GRID2: variants seen among roughly 807,000 people sequenced by gnomAD.
The protein encoded by GRID2 is glutamate receptor ionotropic, delta-2.
GRID2 carries 33 observed loss-of-function variants against 114.8 expected under a neutral mutation model. That is an observed-to-expected ratio of 0.29 (90% CI 0.22 to 0.38). The LOEUF is 0.38. Among genes scored for constraint, GRID2 ranks in the 10% least tolerant of loss-of-function variants. The pLI is 1.00. For synonymous variants in GRID2, 505 were observed against 449.9 expected (o/e 1.12, Z -1.55); for missense variants, 1,184 against 1,257.7 (o/e 0.94, Z 0.89).
At chr4:93,786,602 T>C (rs141495606) in intron 1 of GRID2, among the ~76,000 whole-genome samples, 126 of 152,330 alleles carry the variant, frequency 8.3e-4, no homozygotes, top group African/African-American at 2.9e-3. Flanking sequence ...TTCAATTGCC[T>C]GATGTTTAGT....
intron 1 of GRID2, among the ~76,000 whole-genome samples, chr4:92,568,971 T>C (rs994004114): frequency 6.6e-6 from 1 of 151,990 alleles, no homozygotes; most frequent in Non-Finnish European, 1.5e-5. Flanking sequence ...TTTTTTTAAA[T>C]TCCCAACTTT....
chr4:93,807,884 G>A (rs1360151578), exon 2 of GRID2: 1 of 152,138 alleles, frequency 6.6e-6, no homozygotes, highest in Non-Finnish European at 1.5e-5. Context: ...TTGCATTCCA[G>A]TGGGGAATCC....
chr4:92,492,351 A>C (rs1056505406), intron 1 of GRID2, among the ~76,000 whole-genome samples: 1 of 152,212 alleles, frequency 6.6e-6, no homozygotes, highest in Admixed American at 6.5e-5. Flanking sequence ...ATGTTGTGCA[A>C]TTAGCAAAAG....
intron 2 of GRID2, among the ~76,000 whole-genome samples, chr4:93,001,707 C>T (rs1161779012): frequency 6.6e-6 from 1 of 151,596 alleles, no homozygotes; most frequent in Non-Finnish European, 1.5e-5. Context: ...CAAATGTTTA[C>T]AGAGAATCTG....
chr4:92,673,031 A>G (rs1239087539), intron 2 of GRID2, among the ~76,000 whole-genome samples: 1 of 152,150 alleles, frequency 6.6e-6, no homozygotes, highest in Non-Finnish European at 1.5e-5. Flanking sequence ...CGTAAGATTT[A>G]CATTTTAGCT....
chr4:93,016,499 A>C (rs1391380779), intron 2 of GRID2, among the ~76,000 whole-genome samples: 1 of 152,102 alleles, frequency 6.6e-6, no homozygotes, highest in Non-Finnish European at 1.5e-5. Flanking sequence ...TTTGACAGTT[A>C]GTCTTTAGAA....
At position 93,003,917 on chromosome 4, in the gene GRID2, G is replaced by T. The variant is rs547750134; in HGVS notation, c.245-81078G>T. Among the ~76,000 whole-genome samples the T allele has an allele frequency of 5.4e-4, 82 of 152,066 alleles. 1 individual carries two copies. The Middle Eastern group carries it at 0.024, about 44-fold the overall frequency. On this transcript the variant is annotated intron_variant, in intron 2 of 15. Coordinates refer to ENST00000282020, the MANE Select transcript of GRID2 (RefSeq NM_001510.4). The stretch of plus-strand genomic sequence containing the variant: ...TTGAAAGTTTCTGAAAACTAAAAGT[G>T]TGTTGACTTTTTAAAAATAAAAGCC...
intron 11 of GRID2, among the ~76,000 whole-genome samples, chr4:93,474,889 TA>T (rs1725176362): frequency 6.6e-6 from 1 of 152,194 alleles, no homozygotes; most frequent in Non-Finnish European, 1.5e-5. Context: ...AAACAATGCA[TA>T]ATGCCTTAGT....
chr4:92,359,283 C>G (rs528863365), intron 1 of GRID2, among the ~76,000 whole-genome samples: 92 of 151,956 alleles, frequency 6.1e-4, no homozygotes, highest in African/African-American at 2.1e-3. Context: ...AGCTTAGGAC[C>G]ACTGTGATCA....
intron 8 of GRID2, among the ~76,000 whole-genome samples, chr4:93,244,450 C>T (rs1747904878): frequency 6.7e-6 from 1 of 149,182 alleles, no homozygotes. Flanking sequence ...TTGGGCAAAC[C>T]TAATGTACTG....
chr4:92,327,264 G>A (rs1726645909), intron 1 of GRID2, among the ~76,000 whole-genome samples: 1 of 151,858 alleles, frequency 6.6e-6, no homozygotes, highest in South Asian at 2.1e-4. Flanking sequence ...TCTCCAGTTT[G>A]TCAGTATCAA....
intron 8 of GRID2, among the ~76,000 whole-genome samples, chr4:93,285,974 G>A (rs1753114610): frequency 1.3e-5 from 2 of 151,940 alleles, no homozygotes; most frequent in South Asian, 2.1e-4. Context: ...TTAATACGCT[G>A]TAAGTATCAA....
At chr4:92,727,270 T>C (rs750560694) in intron 2 of GRID2, among the ~76,000 whole-genome samples, 2 of 152,080 alleles carry the variant, frequency 1.3e-5, no homozygotes, top group African/African-American at 4.8e-5. Flanking sequence ...TTTTAAAGTG[T>C]TTCTGGGTTT....
At chr4:93,378,908 T>A (rs1763610882) in intron 8 of GRID2, among the ~76,000 whole-genome samples, 1 of 152,256 alleles carries the variant, frequency 6.6e-6, no homozygotes, top group African/African-American at 2.4e-5. Context: ...AACATCCCTG[T>A]ACAAAACTTC....
At chr4:92,474,984 G>T (rs967160650) in intron 1 of GRID2, among the ~76,000 whole-genome samples, 2 of 129,806 alleles carry the variant, frequency 1.5e-5, no homozygotes, top group Non-Finnish European at 3.2e-5. Flanking sequence ...GGGGTGGAGG[G>T]GGGAGGGATA....
At chr4:92,728,607 G>GTTCA (rs1418911019) in intron 2 of GRID2, among the ~76,000 whole-genome samples, 32 of 151,918 alleles carry the variant, frequency 2.1e-4, no homozygotes, top group African/African-American at 7.0e-4. Flanking sequence ...AACTACTCTT[G>GTTCA]GAAGTAACAC....
intron 1 of GRID2, among the ~76,000 whole-genome samples, chr4:92,572,866 A>AT (rs111893282): frequency 5.7e-4 from 85 of 149,842 alleles, no homozygotes; most frequent in Admixed American, 1.4e-3. Flanking sequence ...CTTCTTTTTC[A>AT]TTTTTTTTTG....
chr4:92,346,232 G>A (rs1449030947), intron 1 of GRID2, among the ~76,000 whole-genome samples: 1 of 152,062 alleles, frequency 6.6e-6, no homozygotes, highest in East Asian at 1.9e-4. Context: ...ATTTCCATTG[G>A]TTTGTCCTGT....
chr4:92,749,347 C>T (rs1388383289), intron 2 of GRID2, among the ~76,000 whole-genome samples: 3 of 121,966 alleles, frequency 2.5e-5, no homozygotes, highest in Non-Finnish European at 4.8e-5. Context: ...CGGAGTCTCG[C>T]TCTGTCGCCC....
Sources: allele counts gnomAD v4.1 joint callset (sites outside exome capture counted in the v4.1 genomes callset), GRCh38; gene constraint gnomAD v4.1.1; transcripts MANE v1.5; gene names NCBI Gene and HGNC (gene_info 2026-07-23, HGNC 2026-07-21).